The following ANKRD30B variants were observed in gnomAD, a reference collection of about 807,000 sequenced individuals.
The protein encoded by ANKRD30B is ankyrin repeat domain 30B.
In ANKRD30B, 144 loss-of-function variants were observed where a neutral mutation model predicts 202.2. The observed-to-expected ratio is 0.71, with a 90% CI of 0.62 to 0.82. ANKRD30B has a LOEUF of 0.82. ANKRD30B is among the 40% of genes least tolerant of loss of function. ANKRD30B has a pLI of 0.00. For synonymous variants in ANKRD30B, 508 were observed against 561.3 expected (o/e 0.91, Z 1.34); for missense variants, 1,487 against 1,669.1 (o/e 0.89, Z 1.90).
intron 34 of ANKRD30B, among the ~76,000 whole-genome samples, chr18:14,836,068 T>G (rs1971158682): frequency 6.6e-6 from 1 of 152,096 alleles, no homozygotes; most frequent in Non-Finnish European, 1.5e-5. Context: ...TTTTCAAAAT[T>G]TCAGCAGTCT....
intron 33 of ANKRD30B, among the ~76,000 whole-genome samples, chr18:14,829,049 G>C (rs1970790744): frequency 6.6e-6 from 1 of 151,886 alleles, no homozygotes; most frequent in Non-Finnish European, 1.5e-5. Flanking sequence ...TTCTTTTCTA[G>C]AGTCTTTTCT....
At chr18:14,776,876 A>G (rs1329671973) in intron 9 of ANKRD30B, among the ~76,000 whole-genome samples, 1 of 152,182 alleles carries the variant, frequency 6.6e-6, no homozygotes, top group Non-Finnish European at 1.5e-5. Flanking sequence ...CATTCTTATT[A>G]TTTTAAGCCC....
the ANKRD30B span, among the ~76,000 whole-genome samples, chr18:14,932,983 C>G: frequency 6.6e-6 from 1 of 152,196 alleles, no homozygotes; most frequent in Non-Finnish European, 1.5e-5. Flanking sequence ...TTAAGTACAT[C>G]TGTTGTTTCT....
At chr18:14,917,778 G>T in the ANKRD30B span, among the ~76,000 whole-genome samples, 1 of 152,220 alleles carries the variant, frequency 6.6e-6, no homozygotes, top group Non-Finnish European at 1.5e-5. Flanking sequence ...CAAGGCTCCT[G>T]CCAGTACACT....
Position 14,796,400 on chromosome 18 carries a change from G to C in ANKRD30B, c.1912G>C (p.Glu638Gln). 1 of 1,555,086 alleles carries C rather than the reference G, an allele frequency of 6.4e-7. No individual in the cohort carries two copies. The highest frequency in any genetic ancestry group is 1.2e-5 in the South Asian group (1 of 84,882). Residue 638 changes from glutamate to glutamine, a missense_variant, in exon 18 of 44, where the codon GAA (glutamate) becomes CAA (glutamine). Glu to Gln is a conservative substitution (Grantham distance 29). Transcript: ENST00000690538. ...PNKALELKDR[E>Q]TFKAESPDKD... ...TAAAGCCTTAGAATTAAAGGACAGA[G>C]AAACATTCAAAGCAGGTAAATTTTG...
chr18:14,805,617 G>A (rs183448631), intron 24 of ANKRD30B, among the ~76,000 whole-genome samples: 3 of 150,708 alleles, frequency 2.0e-5, no homozygotes, highest in East Asian at 1.9e-4. Flanking sequence ...ACTCTCATCC[G>A]AACTGTGTAC....
intron 10 of ANKRD30B, among the ~76,000 whole-genome samples, chr18:14,778,495 C>G (rs1170818440): frequency 6.6e-6 from 1 of 152,188 alleles, no homozygotes; most frequent in Non-Finnish European, 1.5e-5. Context: ...CAGAGAATTA[C>G]AGCAAACATG....
chr18:14,869,508 A>C, the ANKRD30B span, among the ~76,000 whole-genome samples: 1 of 152,212 alleles, frequency 6.6e-6, no homozygotes, highest in African/African-American at 2.4e-5. Context: ...TAATTAAAAT[A>C]ATCTTTTAAC....
At chr18:14,764,132 T>A in intron 7 of ANKRD30B, 42 bp downstream of exon 7, 2 of 1,431,318 alleles carry the variant, frequency 1.4e-6, no homozygotes, top group South Asian at 3.1e-5. Flanking sequence ...ATTGGCACTT[T>A]GGGTTCCCTA....
At chr18:14,938,944 A>G in the ANKRD30B span, among the ~76,000 whole-genome samples, 2 of 152,200 alleles carry the variant, frequency 1.3e-5, no homozygotes, top group African/African-American at 4.8e-5. Context: ...CAACAACAGG[A>G]GACAGAGGGA....
At chr18:14,912,238 G>A in the ANKRD30B span, among the ~76,000 whole-genome samples, 1 of 152,292 alleles carries the variant, frequency 6.6e-6, no homozygotes, top group Non-Finnish European at 1.5e-5. Flanking sequence ...TGTTAAGTAG[G>A]ATGTTGGCTG....
intron 3 of ANKRD30B, among the ~76,000 whole-genome samples, 172 bp downstream of exon 3, chr18:14,753,184 TAGAG>T (rs749333500): frequency 6.6e-6 from 1 of 152,208 alleles, no homozygotes; most frequent in African/African-American, 2.4e-5. Context: ...AAAGAACTAT[TAGAG>T]AGTATGGCTT....
At chr18:14,757,167 G>C (rs1914499939) in intron 4 of ANKRD30B, among the ~76,000 whole-genome samples, 2 of 152,050 alleles carry the variant, frequency 1.3e-5, no homozygotes, top group South Asian at 4.1e-4. Context: ...ATAAGCCATA[G>C]GTGAATGATA....
intron 7 of ANKRD30B, among the ~76,000 whole-genome samples, chr18:14,766,861 A>C (rs2143765382): frequency 6.6e-6 from 1 of 152,322 alleles, no homozygotes; most frequent in East Asian, 1.9e-4. Flanking sequence ...GTAGGAGAGG[A>C]GTTACTTTTA....
intron 30 of ANKRD30B, among the ~76,000 whole-genome samples, chr18:14,818,475 A>G (rs536011917): frequency 6.7e-6 from 1 of 149,870 alleles, no homozygotes; most frequent in Non-Finnish European, 1.5e-5. Context: ...CTCGTCATCT[A>G]CCATTAGGTA....
At chr18:14,865,158 C>T in the ANKRD30B span, among the ~76,000 whole-genome samples, 3 of 150,750 alleles carry the variant, frequency 2.0e-5, no homozygotes, top group African/African-American at 7.3e-5. Context: ...ACTGTCTTTT[C>T]TTTCTACACT....
chr18:14,799,069 A>G, intron 20 of ANKRD30B, 32 bp from the exon 21 acceptor site: 1 of 1,543,542 alleles, frequency 6.5e-7, no homozygotes, highest in Non-Finnish European at 8.9e-7. Flanking sequence ...AAGCTTGCAT[A>G]TAATCAATTA....
the ANKRD30B span, among the ~76,000 whole-genome samples, chr18:14,932,004 A>C: frequency 1.2e-4 from 1 of 8,002 alleles, no homozygotes; most frequent in Non-Finnish European, 2.5e-4. Flanking sequence ...CCCACCTCCC[A>C]CCTCCCTCCT....
chr18:14,764,398 T>G (rs1350641628), intron 7 of ANKRD30B, among the ~76,000 whole-genome samples: 1 of 151,738 alleles, frequency 6.6e-6, no homozygotes, highest in Admixed American at 6.6e-5. Flanking sequence ...ATTTTATTTA[T>G]TTAGTTTTTG....
Sources: allele counts gnomAD v4.1 joint callset (sites outside exome capture counted in the v4.1 genomes callset), GRCh38; gene constraint gnomAD v4.1.1; transcripts MANE v1.5; gene names NCBI Gene and HGNC (gene_info 2026-07-23, HGNC 2026-07-21).